The following ZCCHC17 variants were observed in gnomAD, a reference collection of about 807,000 sequenced individuals.
ZCCHC17 encodes the protein zinc finger CCHC domain-containing protein 17.
ZCCHC17 carries 18 observed loss-of-function variants against 30.6 expected under a neutral mutation model. The observed-to-expected ratio is 0.59, with a 90% CI of 0.41 to 0.87. The LOEUF (loss-of-function observed/expected upper bound fraction) is 0.87. Among genes scored for constraint, ZCCHC17 ranks in the 40% least tolerant of loss-of-function variants. The probability of loss-of-function intolerance (pLI) is 0.00; values close to 1 mark genes in which losing one functional copy is unlikely to be tolerated. For synonymous variants in ZCCHC17, 88 were observed against 92.4 expected, an observed-to-expected ratio of 0.95 and a Z score of 0.27; for missense variants, 263 against 284.2, an observed-to-expected ratio of 0.93 and a Z score of 0.54.
intron 4 of ZCCHC17, 85 bp from the exon 5 acceptor site, chr1:31,338,872 G>T: frequency 3.6e-6 from 3 of 838,738 alleles, no homozygotes; most frequent in Admixed American, 2.5e-5. Context: ...TCAATGTTAT[G>T]ATGAAAACGT....
intron 6 of ZCCHC17, 129 bp downstream of exon 6, chr1:31,346,869 T>C: frequency 6.6e-7 from 1 of 1,519,370 alleles, no homozygotes; most frequent in South Asian, 1.2e-5. Flanking sequence ...TTTGCTGTTT[T>C]TTCCACCAGA....
In ZCCHC17 at chr1:31,339,960, C is replaced by CTTTTTTTTTTTTTTTTTTTTTTTTT. The variant is rs36008834; in HGVS notation, c.317+936_317+937insTTTTTTTTTTTTTTTTTTTTTTTTT. Among the ~76,000 whole-genome samples, 3 of 90,424 alleles carry CTTTTTTTTTTTTTTTTTTTTTTTTT rather than the reference C, an allele frequency of 3.3e-5. 1 individual carries two copies. The highest frequency in any genetic ancestry group is 4.5e-5 in the Non-Finnish European group (2 of 44,908). The allele number at this position is 90,424 out of a possible 152,430, so 59.3% of individuals were successfully genotyped here. A position where few individuals can be genotyped will look rare whatever the true frequency, so the allele number is the denominator to read the frequency against. ...TCTGTCTCAAGTCTTTCTTGGATTT[C>CTTTTTTTTTTTTTTTTTTTTTTTTT]TTTTTTTTTTTTTTTTTTTTTTTTG... On this transcript the variant is annotated intron_variant, in intron 5 of 7. Transcript: ENST00000344147.
intron 7 of ZCCHC17, among the ~76,000 whole-genome samples, chr1:31,351,934 T>C (rs1218580040): frequency 6.6e-6 from 1 of 152,242 alleles, no homozygotes; most frequent in African/African-American, 2.4e-5. Flanking sequence ...TATCCAAATC[T>C]GCATTGCTAT....
At chr1:31,350,904 C>T (rs144739061) in intron 7 of ZCCHC17, among the ~76,000 whole-genome samples, 5 of 152,206 alleles carry the variant, frequency 3.3e-5, no homozygotes, top group African/African-American at 1.2e-4. Flanking sequence ...GCCTGGCAAA[C>T]TTCCGTTTTT....
chr1:31,313,037 G>T (rs1180466898), intron 2 of ZCCHC17, among the ~76,000 whole-genome samples: 2 of 148,752 alleles, frequency 1.3e-5, no homozygotes, highest in African/African-American at 2.5e-5. Flanking sequence ...AAAGTGCTGG[G>T]ATTACAGGTG....
chr1:31,348,719 C>T (rs1051091040), intron 6 of ZCCHC17, 110 bp from the exon 7 acceptor site: 1 of 1,339,940 alleles, frequency 7.5e-7, no homozygotes, highest in Non-Finnish European at 1.1e-6. Context: ...ATGAACTCAA[C>T]AATATTTCCT....
chr1:31,328,525 T>C (rs1638448170), intron 3 of ZCCHC17, among the ~76,000 whole-genome samples: 1 of 150,620 alleles, frequency 6.6e-6, no homozygotes, highest in African/African-American at 2.4e-5. Context: ...AATAAATAAA[T>C]AAATAAAAAT....
chr1:31,303,119 C>G (rs371993099), intron 1 of ZCCHC17, among the ~76,000 whole-genome samples: 3 of 145,126 alleles, frequency 2.1e-5, no homozygotes, highest in Admixed American at 1.3e-4. Context: ...TCTACCCCCC[C>G]TCAAAAAAAA....
rs1330303321 is a variant in ZCCHC17, at chr1:31,297,045, C to CAGCG, written c.-84_-81dup. The CAGCG allele has an allele frequency of 1.1e-5, 5 of 449,514 alleles. No homozygotes were observed. Among genetic ancestry groups the CAGCG allele is most frequent in the African/African-American group, 1.0e-4 (5 of 49,548 alleles). 27.8% of individuals were successfully genotyped at this position (449,514 alleles called of 1,614,324 possible). A position where few individuals can be genotyped will look rare whatever the true frequency, so the allele number is the denominator to read the frequency against. On this transcript the variant is annotated 5_prime_UTR_variant, in exon 1 of 8. Transcript: ENST00000344147. ...ACTGGGGTCGGCGTTTAGTTCAGCG[C>CAGCG]AGCGACTCGGGGACCTGGAGCTGAC...
chr1:31,348,595 C>G (rs1295908701), intron 6 of ZCCHC17, among the ~76,000 whole-genome samples: 2 of 152,182 alleles, frequency 1.3e-5, no homozygotes, highest in East Asian at 3.8e-4. Context: ...ATTTCGAGAA[C>G]AGTACCAGTG....
intron 6 of ZCCHC17, among the ~76,000 whole-genome samples, chr1:31,347,457 A>G (rs1314569585): frequency 1.3e-5 from 2 of 152,134 alleles, no homozygotes; most frequent in African/African-American, 4.8e-5. Context: ...TTAAGCCCCT[A>G]TTTATCATTA....
chr1:31,316,322 G>A (rs187689425), intron 2 of ZCCHC17, among the ~76,000 whole-genome samples: 82 of 152,212 alleles, frequency 5.4e-4, no homozygotes, highest in African/African-American at 1.5e-3. Context: ...GGCTGGTCTC[G>A]AACTCCTGGC....
intron 3 of ZCCHC17, among the ~76,000 whole-genome samples, chr1:31,327,625 A>G (rs1638408476): frequency 6.6e-6 from 1 of 152,118 alleles, no homozygotes; most frequent in African/African-American, 2.4e-5. Context: ...TACGCTACCC[A>G]CCCATTAGTC....
intron 2 of ZCCHC17, among the ~76,000 whole-genome samples, chr1:31,311,010 C>A (rs1646588272): frequency 6.6e-6 from 1 of 152,202 alleles, no homozygotes; most frequent in African/African-American, 2.4e-5. Flanking sequence ...TTACTGGGAT[C>A]CCTGCTTCAT....
At chr1:31,318,500 T>A (rs1331248644) in intron 2 of ZCCHC17, among the ~76,000 whole-genome samples, 1 of 152,168 alleles carries the variant, frequency 6.6e-6, no homozygotes, top group African/African-American at 2.4e-5. Context: ...GGACAACTCT[T>A]TCTCTCTGAT....
At chr1:31,307,747 T>A (rs1416222294) in intron 1 of ZCCHC17, among the ~76,000 whole-genome samples, 1 of 152,046 alleles carries the variant, frequency 6.6e-6, no homozygotes, top group African/African-American at 2.4e-5. Context: ...GCTCATTTTT[T>A]GTATTTTAGT....
At chr1:31,351,557 A>G (rs1199774141) in intron 7 of ZCCHC17, among the ~76,000 whole-genome samples, 5 of 152,022 alleles carry the variant, frequency 3.3e-5, no homozygotes, top group African/African-American at 9.6e-5. Flanking sequence ...CCTAAGCAAC[A>G]TAGGGAGACC....
At chr1:31,343,209 A>C (rs376699932) in intron 5 of ZCCHC17, among the ~76,000 whole-genome samples, 5 of 152,200 alleles carry the variant, frequency 3.3e-5, no homozygotes, top group African/African-American at 1.2e-4. Flanking sequence ...ACAGGTGCCC[A>C]CCACTGCGCC....
chr1:31,304,281 T>C (rs1646390858), intron 1 of ZCCHC17, among the ~76,000 whole-genome samples: 1 of 151,698 alleles, frequency 6.6e-6, no homozygotes, highest in African/African-American at 2.4e-5. Flanking sequence ...TCTTTTTTTT[T>C]TTTCTTTCTG....
Sources: allele counts gnomAD v4.1 joint callset (sites outside exome capture counted in the v4.1 genomes callset), GRCh38; gene constraint gnomAD v4.1.1; transcripts MANE v1.5; gene names NCBI Gene and HGNC (gene_info 2026-07-23, HGNC 2026-07-21).